Variants in KCNIP4 observed in about 807,000 individuals in gnomAD.
KCNIP4 encodes Kv channel-interacting protein 4.
A neutral mutation model predicts 34.0 loss-of-function variants in KCNIP4; 12 were observed. The observed-to-expected ratio is 0.35, with a 90% CI of 0.23 to 0.57. The LOEUF (loss-of-function observed/expected upper bound fraction) is 0.57. Among genes scored for constraint, KCNIP4 ranks in the 20% least tolerant of loss-of-function variants. KCNIP4 has a pLI of 0.83. For synonymous variants in KCNIP4, 124 were observed against 102.2 expected, an observed-to-expected ratio of 1.21 and a Z score of -1.29; for missense variants, 238 against 311.7, an observed-to-expected ratio of 0.76 and a Z score of 1.78.
intron 1 of KCNIP4, chr4:21,762,926 G>T (rs1718158931): frequency 1.6e-6 from 2 of 1,288,448 alleles, no homozygotes; most frequent in Admixed American, 2.3e-5. Context: ...CTCACATGAT[G>T]ATCTGACAGG....
chr4:21,144,780 C>T (rs1379430500), intron 1 of KCNIP4, among the ~76,000 whole-genome samples: 3 of 152,152 alleles, frequency 2.0e-5, no homozygotes, highest in Non-Finnish European at 4.4e-5. Flanking sequence ...CCTTTCATTT[C>T]CTTTTCTTTC....
At chr4:21,772,621 G>T (rs1718878186) in intron 1 of KCNIP4, among the ~76,000 whole-genome samples, 1 of 152,022 alleles carries the variant, frequency 6.6e-6, no homozygotes, top group Non-Finnish European at 1.5e-5. Context: ...TCTCTTCAGG[G>T]ATTCAACTGC....
At chr4:20,847,829 C>A (rs1720556311) in intron 3 of KCNIP4, among the ~76,000 whole-genome samples, 1 of 152,078 alleles carries the variant, frequency 6.6e-6, no homozygotes, top group African/African-American at 2.4e-5. Flanking sequence ...ATGGTTTATC[C>A]TTTGAATCAC....
chr4:21,020,222 A>G (rs1473137152), intron 1 of KCNIP4, among the ~76,000 whole-genome samples: 1 of 152,142 alleles, frequency 6.6e-6, no homozygotes, highest in African/African-American at 2.4e-5. Flanking sequence ...ACTATTCTCA[A>G]AAGAACATAT....
chr4:21,118,914 C>T (rs974569069), intron 1 of KCNIP4, among the ~76,000 whole-genome samples: 2 of 152,150 alleles, frequency 1.3e-5, no homozygotes, highest in Admixed American at 6.5e-5. Context: ...AGACCTTAGC[C>T]TCAACCTCTA....
At chr4:21,596,684 C>T (rs562254232) in intron 1 of KCNIP4, among the ~76,000 whole-genome samples, 7 of 152,216 alleles carry the variant, frequency 4.6e-5, no homozygotes, top group African/African-American at 1.4e-4. Flanking sequence ...ATTTATAACC[C>T]TGAATTACTC....
chr4:20,939,167 C>G (rs763770020), intron 1 of KCNIP4, among the ~76,000 whole-genome samples: 31 of 152,120 alleles, frequency 2.0e-4, no homozygotes, highest in Middle Eastern at 6.8e-3. Flanking sequence ...CCTTCCTCAC[C>G]TTTAAATGTA....
chr4:20,811,125 C>G (rs1458710346), intron 3 of KCNIP4, among the ~76,000 whole-genome samples: 1 of 152,172 alleles, frequency 6.6e-6, no homozygotes, highest in Non-Finnish European at 1.5e-5. Context: ...TTTTTATAAG[C>G]CTAACTGGTC....
intron 1 of KCNIP4, among the ~76,000 whole-genome samples, chr4:21,170,364 G>A (rs574811301): frequency 5.3e-5 from 8 of 152,246 alleles, no homozygotes; most frequent in African/African-American, 1.4e-4. Flanking sequence ...TTGAAGAAAT[G>A]TTGTTTTCTT....
In KCNIP4 at chr4:21,499,447, T is replaced by C. The variant is rs554414024; in HGVS notation, c.61+449124A>G. On this transcript the variant is annotated intron_variant, in intron 1 of 8. Coordinates refer to ENST00000382152, the MANE Select transcript of KCNIP4 (RefSeq NM_025221.6). Reference sequence around the variant, plus strand: ...ATATGCATTGATTACAATTCAAACTTAATGGAATTCTGTGGTAGCATAAAT... The same window carrying C: ...ATATGCATTGATTACAATTCAAACTCAATGGAATTCTGTGGTAGCATAAAT... Among the ~76,000 whole-genome samples, 10 of 152,250 alleles carry C rather than the reference T, an allele frequency of 6.6e-5. No homozygotes were observed. The East Asian group carries it at 1.9e-3, about 29-fold the overall frequency.
chr4:21,489,623 C>A (rs1221855760), intron 1 of KCNIP4, among the ~76,000 whole-genome samples: 1 of 152,060 alleles, frequency 6.6e-6, no homozygotes, highest in African/African-American at 2.4e-5. Context: ...GTTCTAATTT[C>A]TGCCTGATGC....
intron 1 of KCNIP4, among the ~76,000 whole-genome samples, chr4:21,878,822 A>C (rs6823352): frequency 0.24 from 36,977 of 152,146 alleles, 5,141 homozygotes; most frequent in African/African-American, 0.39. Flanking sequence ...CGTTTTTACA[A>C]AAAGGACAGT....
At position 20,729,904 on chromosome 4, in the gene KCNIP4, C is replaced by CAA; in HGVS notation, c.*176_*177dup. 1.6e-6 allele frequency: 1 copy of CAA among 613,534 alleles called. No homozygotes were observed. The allele number at this position is 613,534 out of a possible 1,614,324, so 38.0% of individuals were successfully genotyped here. A position where few individuals can be genotyped will look rare whatever the true frequency, so the allele number is the denominator to read the frequency against. On this transcript the variant is annotated 3_prime_UTR_variant, in exon 9 of 9. Transcript: ENST00000382152. ...ACTCAGTGGCATTATGAAAAGGATG[C>CAA]AAATTTATAACTGAAAGCTCAAATC... is the stretch of plus-strand genomic sequence containing the variant.
intron 1 of KCNIP4, among the ~76,000 whole-genome samples, chr4:21,037,131 T>C (rs1045305110): frequency 6.6e-6 from 1 of 152,082 alleles, no homozygotes; most frequent in Non-Finnish European, 1.5e-5. Flanking sequence ...TATGAAAGAG[T>C]CAAAAGTTTA....
At chr4:21,069,324 G>T (rs1377015288) in intron 1 of KCNIP4, among the ~76,000 whole-genome samples, 2 of 151,918 alleles carry the variant, frequency 1.3e-5, no homozygotes, top group South Asian at 2.1e-4. Flanking sequence ...TTTTATATTG[G>T]TCCGCTTTAT....
At chr4:20,808,695 G>C (rs1399173549) in intron 3 of KCNIP4, among the ~76,000 whole-genome samples, 2 of 152,082 alleles carry the variant, frequency 1.3e-5, no homozygotes, top group Non-Finnish European at 2.9e-5. Flanking sequence ...TAAAGGAGTA[G>C]CAGTTCCATA....
intron 3 of KCNIP4, among the ~76,000 whole-genome samples, chr4:20,815,852 C>G (rs571608315): frequency 5.3e-5 from 8 of 152,256 alleles, no homozygotes; most frequent in African/African-American, 1.7e-4. Context: ...ACATGTGAGA[C>G]TTTTAAGAGG....
At chr4:21,378,981 A>G (rs1173770648) in intron 1 of KCNIP4, among the ~76,000 whole-genome samples, 14 of 152,170 alleles carry the variant, frequency 9.2e-5, no homozygotes, top group Non-Finnish European at 1.5e-5. Flanking sequence ...GGTTAAAAAC[A>G]ATCGTTAATT....
chr4:21,553,895 C>A (rs1220332442), intron 1 of KCNIP4, among the ~76,000 whole-genome samples: 1 of 152,004 alleles, frequency 6.6e-6, no homozygotes, highest in Non-Finnish European at 1.5e-5. Context: ...CTTAATTATA[C>A]CTAAAAAGTT....
Sources: allele counts gnomAD v4.1 joint callset (sites outside exome capture counted in the v4.1 genomes callset), GRCh38; gene constraint gnomAD v4.1.1; transcripts MANE v1.5; gene names NCBI Gene and HGNC (gene_info 2026-07-23, HGNC 2026-07-21).